CHCHD6: variants seen among roughly 807,000 people sequenced by gnomAD.
CHCHD6 encodes coiled-coil-helix-coiled-coil-helix domain containing 6.
Under a neutral mutation model 32.3 loss-of-function variants are expected in CHCHD6, and 28 were observed. That is an observed-to-expected ratio of 0.87 (90% confidence interval 0.64 to 1.19). The LOEUF (loss-of-function observed/expected upper bound fraction) is 1.19, where lower values mean the gene tolerates loss of function less well. Ranked by LOEUF, CHCHD6 falls within the 50% of genes most tolerant of loss-of-function variation. CHCHD6 has a pLI of 0.00. For missense variants in CHCHD6, 333 were observed against 307.0 expected (o/e 1.08, Z -0.63); for synonymous variants, 122 against 117.5 (o/e 1.04, Z -0.25).
chr3:126,756,236 T>C (rs1366755754), intron 4 of CHCHD6, among the ~76,000 whole-genome samples: 1 of 151,972 alleles, frequency 6.6e-6, no homozygotes, highest in African/African-American at 2.4e-5. Flanking sequence ...AGAGAGGAAA[T>C]AGAGATGGCA....
intron 4 of CHCHD6, among the ~76,000 whole-genome samples, chr3:126,787,815 AT>A (rs1385723493): frequency 6.6e-6 from 1 of 152,062 alleles, no homozygotes; most frequent in Non-Finnish European, 1.5e-5. Flanking sequence ...AATACCCTTT[AT>A]TTCTTTCTCT....
chr3:126,753,489 C>T (rs374538318), intron 4 of CHCHD6, among the ~76,000 whole-genome samples: 1 of 152,142 alleles, frequency 6.6e-6, no homozygotes, highest in Non-Finnish European at 1.5e-5. Flanking sequence ...GCTTGTAGAC[C>T]GGCCTTGGGG....
intron 6 of CHCHD6, among the ~76,000 whole-genome samples, chr3:126,925,616 G>T (rs955813511): frequency 1.3e-5 from 2 of 152,160 alleles, no homozygotes; most frequent in African/African-American, 2.4e-5. Flanking sequence ...CAGCATCAGT[G>T]TTCTGTCTCT....
chr3:126,723,465 G>A (rs563651710), intron 1 of CHCHD6, among the ~76,000 whole-genome samples: 1 of 152,046 alleles, frequency 6.6e-6, no homozygotes, highest in Non-Finnish European at 1.5e-5. Context: ...TCACACTTGC[G>A]GATATGTGTA....
chr3:126,865,125 TCCTCCTCCTCCACCACCA>T (rs1327764156), intron 5 of CHCHD6, among the ~76,000 whole-genome samples: 3 of 120,586 alleles, frequency 2.5e-5, no homozygotes, highest in Non-Finnish European at 5.0e-5. Flanking sequence ...TTCTTCCTCC[TCCTCCTCCTCCACCACCA>T]CCTCCTTTTC....
intron 2 of CHCHD6, among the ~76,000 whole-genome samples, chr3:126,729,846 C>T (rs958011515): frequency 1.3e-5 from 2 of 151,958 alleles, no homozygotes; most frequent in South Asian, 2.1e-4. Flanking sequence ...TGTGGGACAT[C>T]GGAGAAGGCC....
rs181616765 is a variant in CHCHD6, at chr3:126,720,529, A to G, written c.88-6549A>G. Among the ~76,000 whole-genome samples the G allele has an allele frequency of 1.1e-3, 162 of 152,284 alleles. 1 individual carries two copies. Among genetic ancestry groups the G allele is most frequent in the South Asian group, 7.3e-3 (35 of 4,818 alleles). ...TGGTTTGTAGCACTGGCCAGTTTCTATGGTGGATATACCATTGTAGCCAAT... is the reference window on the plus strand; with the variant it reads ...TGGTTTGTAGCACTGGCCAGTTTCTGTGGTGGATATACCATTGTAGCCAAT... On this transcript the variant is annotated intron_variant, in intron 1 of 7. Coordinates refer to ENST00000290913, the MANE Select transcript of CHCHD6 (RefSeq NM_032343.3).
chr3:126,745,682 C>G (rs186009686), intron 4 of CHCHD6, among the ~76,000 whole-genome samples: 15 of 152,158 alleles, frequency 9.9e-5, no homozygotes, highest in Admixed American at 8.5e-4. Context: ...CTTCAGGCTT[C>G]GGAGGCCCCT....
intron 5 of CHCHD6, among the ~76,000 whole-genome samples, chr3:126,860,666 C>G (rs1559885872): frequency 6.6e-6 from 1 of 151,924 alleles, no homozygotes; most frequent in African/African-American, 2.4e-5. Flanking sequence ...CCATTAACAC[C>G]TTTTTTTTAG....
At chr3:126,704,476 C>T (rs1376277265) in intron 1 of CHCHD6, 77 bp downstream of exon 1, 2 of 924,930 alleles carry the variant, frequency 2.2e-6, no homozygotes, top group Non-Finnish European at 3.0e-6. Context: ...GAGCGCAGGG[C>T]CGGGGCTCTT....
At chr3:126,784,805 T>C (rs1938120355) in intron 4 of CHCHD6, among the ~76,000 whole-genome samples, 1 of 152,240 alleles carries the variant, frequency 6.6e-6, no homozygotes, top group Non-Finnish European at 1.5e-5. Flanking sequence ...TTCATACTTG[T>C]GATCCTCACT....
intron 6 of CHCHD6, chr3:126,952,997 A>G (rs546289757): frequency 1.9e-4 from 190 of 985,216 alleles, no homozygotes; most frequent in East Asian, 2.3e-4. Flanking sequence ...CTGTGGTCCT[A>G]TTTACTGAAT....
chr3:126,730,256 G>C (rs747368070), intron 2 of CHCHD6, among the ~76,000 whole-genome samples: 3 of 152,156 alleles, frequency 2.0e-5, no homozygotes, highest in Non-Finnish European at 2.9e-5. Context: ...GAGATGACCT[G>C]GATTCCAAAT....
At chr3:126,710,952 C>T (rs1260906685) in intron 1 of CHCHD6, among the ~76,000 whole-genome samples, 2 of 152,186 alleles carry the variant, frequency 1.3e-5, no homozygotes, top group African/African-American at 4.8e-5. Context: ...ATCTCCAGTA[C>T]AATGCTAAAT....
At chr3:126,759,851 A>AGAGGTTTAATTGGCT (rs1937097450) in intron 4 of CHCHD6, among the ~76,000 whole-genome samples, 1 of 152,220 alleles carries the variant, frequency 6.6e-6, no homozygotes, top group Non-Finnish European at 1.5e-5. Flanking sequence ...TTTATAAAGA[A>AGAGGTTTAATTGGCT]GAGGTTTAAT....
intron 4 of CHCHD6, among the ~76,000 whole-genome samples, chr3:126,826,227 C>G (rs1243796150): frequency 2.6e-5 from 4 of 152,116 alleles, no homozygotes; most frequent in Non-Finnish European, 5.9e-5. Flanking sequence ...ATTCCATTGT[C>G]CAGGGCTTAG....
At chr3:126,843,161 T>TA (rs1941168166) in intron 4 of CHCHD6, among the ~76,000 whole-genome samples, 1 of 152,222 alleles carries the variant, frequency 6.6e-6, no homozygotes, top group Non-Finnish European at 1.5e-5. Flanking sequence ...ATGCTTTTCT[T>TA]ACATCTATTG....
At chr3:126,888,220 G>A (rs928350257) in intron 5 of CHCHD6, among the ~76,000 whole-genome samples, 1 of 152,178 alleles carries the variant, frequency 6.6e-6, no homozygotes, top group Non-Finnish European at 1.5e-5. Context: ...TCCGGACTCT[G>A]GGGTTACCAT....
intron 4 of CHCHD6, among the ~76,000 whole-genome samples, chr3:126,838,638 A>C (rs75334467): frequency 1.3e-5 from 2 of 152,196 alleles, no homozygotes; most frequent in African/African-American, 2.4e-5. Context: ...ATTCTTGGTG[A>C]TAGTTTCTTC....
Sources: allele counts gnomAD v4.1 joint callset (sites outside exome capture counted in the v4.1 genomes callset), GRCh38; gene constraint gnomAD v4.1.1; transcripts MANE v1.5; gene names NCBI Gene and HGNC (gene_info 2026-07-23, HGNC 2026-07-21).